SLC7A6: variants seen among roughly 807,000 people sequenced by gnomAD.
SLC7A6 encodes the protein solute carrier family 7 member 6, also known as Y+L amino acid transporter 2.
Under a neutral mutation model 46.6 loss-of-function variants are expected in SLC7A6, and 29 were observed. The observed-to-expected ratio is 0.62, with a 90% CI of 0.46 to 0.85. The LOEUF (loss-of-function observed/expected upper bound fraction) is 0.85, where lower values mean the gene tolerates loss of function less well. Ranked by LOEUF, SLC7A6 falls within the 40% of genes least tolerant of loss-of-function variation. The pLI is 0.00. For synonymous variants in SLC7A6, 276 were observed against 257.3 expected (o/e 1.07, Z -0.70); for missense variants, 527 against 647.6 (o/e 0.81, Z 2.02).
intron 3 of SLC7A6, chr16:68,284,537 T>C (rs1398069552): frequency 8.8e-6 from 4 of 456,442 alleles, no homozygotes; most frequent in South Asian, 1.9e-4. Context: ...GTTTAGCACA[T>C]AGTTGAATTT....
rs553128842 is a variant in SLC7A6 at position 68,283,087 on chromosome 16, A to G, written c.524-4659A>G. Among the ~76,000 whole-genome samples the G allele has an allele frequency of 1.5e-4, 23 of 152,324 alleles. No homozygotes were observed. The East Asian group carries it at 4.2e-3, about 28-fold the overall frequency. ...CTACTGTCAGCGTAGCTGGGAGTAC[A>G]GCTTCAGATTGCCAGGCAATCTCCT... On this transcript the variant is annotated intron_variant, in intron 3 of 10. Transcript: ENST00000219343.
At chr16:68,293,849 T>C (rs2043107797) in intron 7 of SLC7A6, among the ~76,000 whole-genome samples, 1 of 152,204 alleles carries the variant, frequency 6.6e-6, no homozygotes, top group Admixed American at 6.5e-5. Flanking sequence ...TGTCGTGTAC[T>C]CCAAGGTGAT....
At chr16:68,269,071 G>A (rs1261770343) in intron 2 of SLC7A6, among the ~76,000 whole-genome samples, 4 of 151,818 alleles carry the variant, frequency 2.6e-5, no homozygotes, top group South Asian at 2.1e-4. Flanking sequence ...TTGCCCCACA[G>A]GTTGATGTTC....
At chr16:68,267,332 A>G (rs554337451) in intron 2 of SLC7A6, among the ~76,000 whole-genome samples, 1 of 143,688 alleles carries the variant, frequency 7.0e-6, no homozygotes, top group East Asian at 2.0e-4. Flanking sequence ...TCATGCCTCA[A>G]CCTCCCGAGT....
chr16:68,301,004 A>G lies in SLC7A6; in HGVS notation c.*3676A>G. 9.1e-7 allele frequency: 1 copy of G among 1,094,380 alleles called. No individual in the cohort carries two copies. Among genetic ancestry groups the G allele is most frequent in the Non-Finnish European group, 1.1e-6 (1 of 901,044 alleles). 67.8% of individuals were successfully genotyped at this position (1,094,380 alleles called of 1,614,324 possible). A position where few individuals can be genotyped will look rare whatever the true frequency, so the allele number is the denominator to read the frequency against. ...ATTCCTGGGCCAAGAAGCTAAAGCT[A>G]AAGAAACCTTCCTTTTTTCAACGTT... On this transcript the variant is annotated 3_prime_UTR_variant, in exon 11 of 11. Transcript: ENST00000219343.
At position 68,278,446 on chromosome 16, in the gene SLC7A6, T is replaced by A. The variant is rs1199611736; in HGVS notation, c.523+3197T>A. ...TCTGGTTTTCCTAGGCAGAGGACCC[T>A]GCGGCCTTTTTTTTTTTTTGCAGTG... On this transcript the variant is annotated intron_variant, in intron 3 of 10. Coordinates refer to ENST00000219343, the MANE Select transcript of SLC7A6 (RefSeq NM_003983.6). 5.3e-5 allele frequency among the ~76,000 whole-genome samples: 8 copies of A among 151,586 alleles called. No homozygotes were observed. In the East Asian group the frequency reaches 9.7e-4, roughly 18 times the overall value.
intron 3 of SLC7A6, among the ~76,000 whole-genome samples, chr16:68,283,500 G>A (rs1195712679): frequency 2.6e-5 from 4 of 152,270 alleles, no homozygotes; most frequent in Admixed American, 1.3e-4. Flanking sequence ...TTGCACAGCC[G>A]TACCTACCTG....
chr16:68,283,160 T>G (rs561157186), intron 3 of SLC7A6, among the ~76,000 whole-genome samples: 1 of 152,236 alleles, frequency 6.6e-6, no homozygotes, highest in African/African-American at 2.4e-5. Flanking sequence ...AGGGTGCATA[T>G]GTTATTCACT....
chr16:68,288,712 T>C (rs547750974), intron 4 of SLC7A6, among the ~76,000 whole-genome samples: 1 of 152,128 alleles, frequency 6.6e-6, no homozygotes, highest in African/African-American at 2.4e-5. Context: ...ACGCCTGTAA[T>C]CCTAACACTT....
chr16:68,286,503 G>T (rs1332791442), intron 3 of SLC7A6, among the ~76,000 whole-genome samples: 1 of 152,132 alleles, frequency 6.6e-6, no homozygotes, highest in Non-Finnish European at 1.5e-5. Flanking sequence ...AAGTGGAGTT[G>T]GCCTAGAGGA....
rs1159454646 is a variant in SLC7A6, at chr16:68,275,122, G to A, written c.396G>A (p.Leu132=). 1 of 1,614,118 alleles carries A rather than the reference G, an allele frequency of 6.2e-7. No individual in the cohort carries two copies. The highest frequency in any genetic ancestry group is 1.1e-5 in the South Asian group (1 of 91,074). The change falls in exon 3 of 11, where the codon CTG becomes CTA. Residue 132 remains leucine, a synonymous_variant. Coordinates refer to ENST00000219343, the MANE Select transcript of SLC7A6 (RefSeq NM_003983.6). Reference sequence around the variant, plus strand: ...CCTTCATCCGCCTGTGGGTCTCACTGCTAGTTGTTGAGCCCACCGGTCAGG... The same window carrying A: ...CCTTCATCCGCCTGTGGGTCTCACTACTAGTTGTTGAGCCCACCGGTCAGG... ...FIAFIRLWVS[L]LVVEPTGQAI...
Position 68,297,897 on chromosome 16 carries a change from G to A in SLC7A6, c.*569G>A, listed in dbSNP as rs1241838593. On this transcript the variant is annotated 3_prime_UTR_variant, in exon 11 of 11. Coordinates refer to ENST00000219343, the MANE Select transcript of SLC7A6 (RefSeq NM_003983.6). ...GTCTCTTCATCTACAGGATGCAATA[G>A]GCTGATTGTATTTAAAAATCAAAGT... is the stretch of plus-strand genomic sequence containing the variant. The A allele has an allele frequency of 6.6e-6, 1 of 152,646 alleles. No homozygotes were observed. The highest frequency in any genetic ancestry group is 2.4e-5 in the African/African-American group (1 of 41,440). 9.5% of individuals were successfully genotyped at this position (152,646 alleles called of 1,614,324 possible).
intron 2 of SLC7A6, among the ~76,000 whole-genome samples, chr16:68,269,182 A>T (rs1451846326): frequency 1.3e-5 from 2 of 152,194 alleles, no homozygotes; most frequent in African/African-American, 4.8e-5. Flanking sequence ...TTTTCAGTAG[A>T]ACCTTAAATG....
Position 68,290,447 on chromosome 16 carries a change from G to A in SLC7A6, c.701G>A (p.Gly234Glu). ...DAFEGSSWDM[G>E]NLSLALYSAL... is the part of the protein sequence containing the mutation. ...TTTGAGGGTTCCTCCTGGGACATGG[G>A]AAACCTCTCTCTTGCCCTCTACTCT... The change falls in exon 5 of 11, where the codon GGA (glycine) becomes GAA (glutamate). Residue 234 changes from glycine to glutamate, a missense_variant. By Grantham distance (98) the Gly-to-Glu change is moderately conservative (BLOSUM62 -2). Transcript: ENST00000219343. The A allele has an allele frequency of 4.3e-6, 7 of 1,614,120 alleles. No homozygotes were observed. The highest frequency in any genetic ancestry group is 1.3e-5 in the African/African-American group (1 of 75,004).
intron 3 of SLC7A6, among the ~76,000 whole-genome samples, chr16:68,285,054 T>G (rs1486999884): frequency 6.6e-6 from 1 of 152,080 alleles, no homozygotes; most frequent in East Asian, 1.9e-4. Flanking sequence ...TCTTTTTGTC[T>G]AAGCTGCATG....
Position 68,266,665 on chromosome 16 carries a change from G to A in SLC7A6, c.-93G>A, listed in dbSNP as rs2151211649. Reference sequence around the variant, plus strand: ...GGACTTCATTTCCTTCTCAGTACTGGACCCATTTATGAGGAGGTGGCTTAT... The same window carrying A: ...GGACTTCATTTCCTTCTCAGTACTGAACCCATTTATGAGGAGGTGGCTTAT... On this transcript the variant is annotated 5_prime_UTR_variant, in exon 2 of 11. Transcript: ENST00000219343. 6.6e-6 allele frequency: 1 copy of A among 152,122 alleles called. No individual in the cohort carries two copies. Among genetic ancestry groups the A allele is most frequent in the East Asian group, 1.9e-4 (1 of 5,176 alleles). 9.4% of individuals were successfully genotyped at this position (152,122 alleles called of 1,614,324 possible).
intron 2 of SLC7A6, among the ~76,000 whole-genome samples, chr16:68,271,502 AG>A (rs2042623367): frequency 1.3e-5 from 2 of 151,154 alleles, no homozygotes; most frequent in African/African-American, 4.9e-5. Context: ...TGGTGTAGAC[AG>A]GGTTTTGCCA....
intron 2 of SLC7A6, among the ~76,000 whole-genome samples, chr16:68,272,733 A>G (rs1276111884): frequency 6.6e-6 from 1 of 152,156 alleles, no homozygotes; most frequent in Non-Finnish European, 1.5e-5. Context: ...AGTAAGCTCA[A>G]TCCCTCCTCC....
intron 7 of SLC7A6, chr16:68,291,905 G>A: frequency 2.1e-6 from 1 of 487,160 alleles, no homozygotes; most frequent in Non-Finnish European, 3.7e-6. Context: ...GATAGCTCAT[G>A]TTATGTGTTG....
Sources: gnomAD v4.1 joint callset for allele counts (sites outside exome capture counted in the v4.1 genomes callset) on GRCh38, gnomAD v4.1.1 for gene constraint, MANE v1.5 for transcripts, NCBI Gene and HGNC (gene_info 2026-07-23, HGNC 2026-07-21) for gene names.